XRCC1: variants seen among roughly 807,000 people sequenced by gnomAD.
XRCC1 encodes the protein X-ray repair cross complementing 1, also known as DNA repair protein XRCC1.
XRCC1 carries 52 observed loss-of-function variants against 83.3 expected under a neutral mutation model. The ratio of observed to expected loss-of-function variants is 0.62; its 90% CI spans 0.50 to 0.79. The LOEUF (loss-of-function observed/expected upper bound fraction) is 0.79. Ranked by LOEUF, XRCC1 falls within the 30% of genes least tolerant of loss-of-function variation. The probability of loss-of-function intolerance (pLI) is 0.00; values close to 1 mark genes in which losing one functional copy is unlikely to be tolerated. For missense variants in XRCC1, 793 were observed against 823.5 expected, an observed-to-expected ratio of 0.96 and a Z score of 0.45; for synonymous variants, 281 against 312.6, an observed-to-expected ratio of 0.90 and a Z score of 1.07.
chr19:43,543,456 T>C lies in XRCC1; in HGVS notation c.1838A>G (p.Tyr613Cys). ...SLAFVRPRWI[Y>C]SCNEKQKLLP... Reference sequence around the variant, plus strand: ...TAACTTCTGCTTCTCATTGCAACTGTAGATCCATCGGGGACGAACGAATGC... The same window carrying C: ...TAACTTCTGCTTCTCATTGCAACTGCAGATCCATCGGGGACGAACGAATGC... The change falls in exon 17 of 17, where the codon TAC (tyrosine) becomes TGC (cysteine). Residue 613 changes from tyrosine to cysteine, a missense_variant. Tyr to Cys is a radical substitution (Grantham distance 194). Coordinates refer to ENST00000262887, the MANE Select transcript of XRCC1 (RefSeq NM_006297.3). 1.2e-6 allele frequency: 2 copies of C among 1,613,380 alleles called. No individual in the cohort carries two copies. The highest frequency in any genetic ancestry group is 2.2e-5 in the East Asian group (1 of 44,830).
In XRCC1 at chr19:43,544,155, T is replaced by G. The variant is rs1972484386; in HGVS notation, c.1701A>C (p.Thr567=). 1 of 1,608,572 alleles carries G rather than the reference T, an allele frequency of 6.2e-7. No individual in the cohort carries two copies. ...CCCTGGAGACTCACCCATTGAAGGCTGTGACGTATCGGATGAGTTTCCGCC... is the reference window on the plus strand; with the variant it reads ...CCCTGGAGACTCACCCATTGAAGGCGGTGACGTATCGGATGAGTTTCCGCC... ...DERRKLIRYV[T]AFNGELEDYM... The change falls in exon 15 of 17, where the codon ACA becomes ACC. Residue 567 remains threonine (T), a synonymous_variant. Coordinates refer to ENST00000262887, the MANE Select transcript of XRCC1 (RefSeq NM_006297.3).
At chr19:43,557,145 A>G (rs765256685) in intron 3 of XRCC1, among the ~76,000 whole-genome samples, 3 of 151,396 alleles carry the variant, frequency 2.0e-5, no homozygotes, top group Non-Finnish European at 4.4e-5. Flanking sequence ...CATCTCTACT[A>G]AAAATACAAA....
intron 4 of XRCC1, among the ~76,000 whole-genome samples, chr19:43,554,297 A>C (rs1972612898): frequency 6.6e-6 from 1 of 152,140 alleles, no homozygotes; most frequent in African/African-American, 2.4e-5. Flanking sequence ...TCACACAGCT[A>C]AAAAGTGGTA....
chr19:43,566,878 C>CAAAAA (rs76309782), intron 2 of XRCC1, among the ~76,000 whole-genome samples: 5 of 98,690 alleles, frequency 5.1e-5, no homozygotes, highest in South Asian at 3.6e-4. Context: ...GACTCAATCT[C>CAAAAA]AAAAAAAAAA....
At chr19:43,564,069 A>G (rs73556510) in intron 2 of XRCC1, among the ~76,000 whole-genome samples, 4,509 of 152,306 alleles carry the variant, frequency 0.03, 102 homozygotes, top group African/African-American at 0.063. Context: ...AATGGGGACA[A>G]TAACAACGTC....
intron 8 of XRCC1, 21 bp downstream of exon 8, chr19:43,552,776 C>T (rs1972594388): frequency 6.3e-7 from 1 of 1,574,900 alleles, no homozygotes; most frequent in Non-Finnish European, 8.6e-7. Context: ...CCTGTGGAAA[C>T]AAGGGATCTA....
chr19:43,564,510 C>T (rs1358139536), intron 2 of XRCC1, among the ~76,000 whole-genome samples: 1 of 152,158 alleles, frequency 6.6e-6, no homozygotes, highest in Non-Finnish European at 1.5e-5. Context: ...CAAATTTGGC[C>T]AGGCGCAGTG....
At chr19:43,547,485 C>CTT (rs71169260) in intron 10 of XRCC1, among the ~76,000 whole-genome samples, 15 of 140,118 alleles carry the variant, frequency 1.1e-4, no homozygotes, top group South Asian at 4.6e-4. Context: ...CTCCTGGCCG[C>CTT]TTTTTTTTTT....
Position 43,554,689 on chromosome 19 carries a change from C to A in XRCC1, c.371G>T (p.Arg124Leu), listed in dbSNP as rs373454964. The part of the protein sequence containing the change: ...DKLVRAAAEK[R>L]WDRVKIVCSQ... ...GCAAACAATTTTGACCCGGTCCCAG[C>A]GCTTCTCGGCGGCTGCCCGGACCAG... The change falls in exon 4 of 17, where the codon CGC (arginine) becomes CTC (leucine). Residue 124 changes from arginine (R) to leucine (L), a missense_variant. Coordinates refer to ENST00000262887, the MANE Select transcript of XRCC1 (RefSeq NM_006297.3). 66 of 1,613,920 alleles carry A rather than the reference C, an allele frequency of 4.1e-5. 1 individual carries two copies. The South Asian group carries it at 6.8e-4, about 17-fold the overall frequency.
intron 10 of XRCC1, among the ~76,000 whole-genome samples, chr19:43,548,779 A>AAAAAAAAAAAAAAAAC (rs1213062759): frequency 0.012 from 1,736 of 141,202 alleles, 61 homozygotes; most frequent in Middle Eastern, 0.036. Context: ...AAAAAAAAAA[A>AAAAAAAAAAAAAAAAC]AAAAAAACAC....
chr19:43,547,406 G>T, intron 10 of XRCC1, among the ~76,000 whole-genome samples: 1 of 151,198 alleles, frequency 6.6e-6, no homozygotes, highest in Admixed American at 6.6e-5. Flanking sequence ...GGATGGTCTC[G>T]ATCTCCTGAC....
intron 10 of XRCC1, among the ~76,000 whole-genome samples, chr19:43,549,882 T>C (rs1817110899): frequency 6.6e-6 from 1 of 152,186 alleles, no homozygotes; most frequent in Admixed American, 6.5e-5. Flanking sequence ...CAACACTGTT[T>C]GTCTTTTTCC....
At chr19:43,571,543 G>A (rs1972806450) in intron 2 of XRCC1, among the ~76,000 whole-genome samples, 1 of 152,200 alleles carries the variant, frequency 6.6e-6, no homozygotes, top group Non-Finnish European at 1.5e-5. Flanking sequence ...TCATTCTGTT[G>A]CCCAGGCTGG....
intron 6 of XRCC1, 38 bp downstream of exon 6, chr19:43,553,363 A>C: frequency 6.2e-7 from 1 of 1,606,968 alleles, no homozygotes; most frequent in Non-Finnish European, 8.5e-7. Flanking sequence ...TCTAGGTCTC[A>C]ACCCTACTCA....
chr19:43,550,933 C>A (rs1431288174), intron 10 of XRCC1, among the ~76,000 whole-genome samples: 1 of 152,186 alleles, frequency 6.6e-6, no homozygotes, highest in Non-Finnish European at 1.5e-5. Context: ...CAGCCTTGCA[C>A]ATTCCAGCCT....
At position 43,546,957 on chromosome 19, in the gene XRCC1, C is replaced by A. The variant is rs778228765; in HGVS notation, c.1220G>T (p.Gly407Val). ...PSQRYLMAGP[G>V]SSSEEDEASH... ...GGCCTCATCCTCCTCACTGCTGGAACCTGGCCCTGCCATGAGGTACCTAGG... is the reference window on the plus strand; with the variant it reads ...GGCCTCATCCTCCTCACTGCTGGAAACTGGCCCTGCCATGAGGTACCTAGG... The change falls in exon 11 of 17, where the codon GGT becomes GTT. Residue 407 changes from glycine (G) to valine (V), a missense_variant. Gly to Val is a moderately radical substitution (Grantham distance 109). Coordinates refer to ENST00000262887, the MANE Select transcript of XRCC1 (RefSeq NM_006297.3). The A allele has an allele frequency of 1.2e-6, 2 of 1,614,006 alleles. No homozygotes were observed. The highest frequency in any genetic ancestry group is 1.1e-5 in the South Asian group (1 of 91,082).
rs1442428286 is a variant in XRCC1 at position 43,552,822 on chromosome 19, C to T, written c.798G>A (p.Ser266=). ...ATTTAGGTCTCTTGGGAACAGATGG[C>T]GACAGCTGGGCTGGTGGTTTGCTGG... ...KTPSKPPAQL[S]PSVPKRPKLP... The change falls in exon 8 of 17, where the codon TCG becomes TCA. Residue 266 remains serine, a synonymous_variant. Transcript: ENST00000262887. 6 of 1,611,504 alleles carry T rather than the reference C, an allele frequency of 3.7e-6. No homozygotes were observed. Among genetic ancestry groups the T allele is most frequent in the Admixed American group, 1.7e-5 (1 of 59,422 alleles).
chr19:43,554,283 A>G (rs1350321344), intron 4 of XRCC1, among the ~76,000 whole-genome samples: 1 of 152,146 alleles, frequency 6.6e-6, no homozygotes, highest in African/African-American at 2.4e-5. Flanking sequence ...TCACTTGCCC[A>G]AGATCACACA....
In XRCC1 at chr19:43,548,771, A is replaced by AAAAAAAAAAAAG. The variant is rs904190404; in HGVS notation, c.1200-1795_1200-1794insCTTTTTTTTTTT. Among the ~76,000 whole-genome samples, 20 of 120,444 alleles carry AAAAAAAAAAAAG rather than the reference A, an allele frequency of 1.7e-4. 1 individual carries two copies. The highest frequency in any genetic ancestry group is 7.0e-4 in the African/African-American group (20 of 28,668). The allele number at this position is 120,444 out of a possible 152,430, so 79.0% of individuals were successfully genotyped here. On this transcript the variant is annotated intron_variant, in intron 10 of 16. Coordinates refer to ENST00000262887, the MANE Select transcript of XRCC1 (RefSeq NM_006297.3). ...GAGAAACACCCAAGAATGATCAAAA[A>AAAAAAAAAAAAG]AAAAAAAAAAAAAAACACAACAGTA...
Sources: gnomAD v4.1 joint callset for allele counts (sites outside exome capture counted in the v4.1 genomes callset) on GRCh38, gnomAD v4.1.1 for gene constraint, MANE v1.5 for transcripts, NCBI Gene and HGNC (gene_info 2026-07-23, HGNC 2026-07-21) for gene names.